CR1: variants seen among roughly 807,000 people sequenced by gnomAD.
CR1 encodes complement C3b/C4b receptor 1 (Knops blood group).
In CR1, 116 loss-of-function variants were observed where a neutral mutation model predicts 187.3. The observed-to-expected ratio is 0.62, with a 90% CI of 0.53 to 0.72. The LOEUF is 0.72. Ranked by LOEUF, CR1 falls within the 30% of genes least tolerant of loss-of-function variation. The pLI is 0.00. For missense variants in CR1, 1,731 were observed against 2,110.7 expected (o/e 0.82, Z 3.52); for synonymous variants, 576 against 747.1 (o/e 0.77, Z 3.73).
chr1:207,618,963 C>CA (rs1662227426), intron 42 of CR1, among the ~76,000 whole-genome samples: 2 of 142,906 alleles, frequency 1.4e-5, no homozygotes, highest in South Asian at 4.3e-4. Flanking sequence ...CACTTGAACC[C>CA]AGAGGCAGAG....
rs142767986 is a variant in CR1 at position 207,611,981 on chromosome 1, G to A, written c.6515G>A (p.Arg2172His). The change falls in exon 39 of 47, where the codon CGT (arginine) becomes CAT (histidine). Residue 2172 changes from arginine (R) to histidine (H), a missense_variant. Around this residue, in one of 5 missense-constraint regions of CR1, gnomAD observed 1,312 missense variants for 1,379.6 expected, o/e 0.95. Transcript: ENST00000367049. ...DDFLGQLPHG[R>H]VLLPLNLQLG... The stretch of plus-strand genomic sequence containing the variant: ...TTCCTGGGCCAACTCCCTCATGGCC[G>A]TGTGCTACTTCCACTTAATCTCCAG... 1.9e-5 allele frequency: 31 copies of A among 1,613,962 alleles called. No homozygotes were observed. The highest frequency in any genetic ancestry group is 9.3e-5 in the African/African-American group (7 of 75,024).
At chr1:207,634,314 C>T (rs767041009) in intron 46 of CR1, among the ~76,000 whole-genome samples, 4 of 152,102 alleles carry the variant, frequency 2.6e-5, no homozygotes, top group Non-Finnish European at 5.9e-5. Flanking sequence ...GGTATAAAGT[C>T]CTTAAAAATT....
At chr1:207,516,155 A>G (rs889336308) in intron 4 of CR1, among the ~76,000 whole-genome samples, 1 of 152,148 alleles carries the variant, frequency 6.6e-6, no homozygotes, top group Non-Finnish European at 1.5e-5. Flanking sequence ...ACAGAGGTTC[A>G]AGGCTTCAGT....
At chr1:207,499,162 T>C (rs1306849689) in intron 1 of CR1, among the ~76,000 whole-genome samples, 1 of 152,118 alleles carries the variant, frequency 6.6e-6, no homozygotes, top group African/African-American at 2.4e-5. Context: ...AGTAAATGGA[T>C]AAAGATATAC....
At position 207,568,037 on chromosome 1, in the gene CR1, T is replaced by C. The variant is rs377522648; in HGVS notation, c.4166T>C (p.Ile1389Thr). 13 of 1,610,636 alleles carry C rather than the reference T, an allele frequency of 8.1e-6. No individual in the cohort carries two copies. The highest frequency in any genetic ancestry group is 1.4e-5 in the African/African-American group (1 of 72,166). Reference sequence around the variant, plus strand: ...AGCAGCCCTGCCCCTCGCTGTGGAATTCTGGGTTAGTGCTCATTTCCCCAC... The same window carrying C: ...AGCAGCCCTGCCCCTCGCTGTGGAACTCTGGGTTAGTGCTCATTTCCCCAC... ...VWSSPAPRCG[I>T]LGHCQAPDHF... The change falls in exon 25 of 47, where the codon ATT (isoleucine) becomes ACT (threonine). Residue 1389 changes from isoleucine to threonine, a missense_variant. By Grantham distance (89) the Ile-to-Thr change is moderately conservative. Transcript: ENST00000367049.
intron 35 of CR1, among the ~76,000 whole-genome samples, chr1:207,593,638 A>G (rs924548074): frequency 2.0e-5 from 3 of 152,266 alleles, no homozygotes; most frequent in Non-Finnish European, 4.4e-5. Context: ...GAGCTTCTGC[A>G]CAGCAAGAGA....
chr1:207,593,116 T>G (rs1571570955), intron 35 of CR1, among the ~76,000 whole-genome samples: 1 of 144,694 alleles, frequency 6.9e-6, no homozygotes, highest in African/African-American at 2.6e-5. Context: ...ACTTTAAACT[T>G]CATATGGAAC....
chr1:207,589,278 C>T (rs1489704831), intron 35 of CR1, among the ~76,000 whole-genome samples: 1 of 152,114 alleles, frequency 6.6e-6, no homozygotes, highest in Non-Finnish European at 1.5e-5. Flanking sequence ...CAAGTAGCCA[C>T]ACCAAAAGCC....
At chr1:207,639,349 A>G (rs749920197) in intron 46 of CR1, 48 bp from the exon 47 acceptor site, 2 of 1,568,260 alleles carry the variant, frequency 1.3e-6, no homozygotes, top group South Asian at 1.2e-5. Context: ...TGGGTAGTTC[A>G]GTTGTCTACC....
intron 29 of CR1, among the ~76,000 whole-genome samples, chr1:207,578,992 T>A (rs529436364): frequency 6.6e-6 from 1 of 152,328 alleles, no homozygotes; most frequent in South Asian, 2.1e-4. Flanking sequence ...CTACATTTTA[T>A]CCCTAGGAGT....
chr1:207,523,880 A>G lies in CR1; in HGVS notation c.757A>G (p.Arg253Gly). ...VENGILVSDN[R>G]SLFSLNEVVE... ...AAATGGAATATTGGTATCTGACAAC[A>G]GAAGCTTATTTTCCTTAAATGAAGT... is the stretch of plus-strand genomic sequence containing the variant. The change falls in exon 5 of 47, where the codon AGA (arginine) becomes GGA (glycine). Residue 253 changes from arginine (R) to glycine (G), a missense_variant. Physicochemically the swap from Arg to Gly is moderately radical, Grantham distance 125 (BLOSUM62 -2). Transcript: ENST00000367049. 1 of 1,610,186 alleles carries G rather than the reference A, an allele frequency of 6.2e-7. No homozygotes were observed. Among genetic ancestry groups the G allele is most frequent in the Non-Finnish European group, 8.5e-7 (1 of 1,178,482 alleles).
In CR1 at chr1:207,616,574, GA is replaced by G; in HGVS notation, c.6664del (p.Ile2222SerfsTer40). 1.2e-6 allele frequency: 2 copies of G among 1,612,958 alleles called. No homozygotes were observed. The highest frequency in any genetic ancestry group is 1.3e-5 in the African/African-American group (1 of 74,946). On this transcript the variant is annotated frameshift_variant and splice_region_variant, in exon 41 of 47. Transcript: ENST00000367049. LOFTEE classifies it high-confidence loss of function. ...LWNSSVPVCEQIFCPNPPAIL... is the reference protein window; with the variant it reads ...LWNSSVPVCEXIFCPNPPAIL... The stretch of plus-strand genomic sequence containing the variant: ...ACTTAAAGCTCTTGTTTTCTTTCTA[GA>G]AATCTTTTGTCCAAATCCTCCAGCT...
Position 207,581,948 on chromosome 1 carries a change from T to C in CR1, c.5247T>C (p.His1749=), listed in dbSNP as rs1660969939. 2 of 1,613,266 alleles carry C rather than the reference T, an allele frequency of 1.2e-6. No homozygotes were observed. Among genetic ancestry groups the C allele is most frequent in the African/African-American group, 1.3e-5 (1 of 75,012 alleles). Reference sequence around the variant, plus strand: ...GCTTAAAGGGCAGTTCCGTTAGTCATTGTGTCTTGGTTGGAATGAGAAGCC... The same window carrying C: ...GCTTAAAGGGCAGTTCCGTTAGTCACTGTGTCTTGGTTGGAATGAGAAGCC... The part of the protein sequence containing the change: ...GFRLKGSSVS[H]CVLVGMRSLW... The change falls in exon 32 of 47, where the codon CAT becomes CAC. Residue 1749 remains histidine, a synonymous_variant. Coordinates refer to ENST00000367049, the MANE Select transcript of CR1 (RefSeq NM_000651.6).
At chr1:207,523,539 T>G in intron 4 of CR1, 72 bp from the exon 5 acceptor site, 1 of 1,593,302 alleles carries the variant, frequency 6.3e-7, no homozygotes, top group Non-Finnish European at 8.6e-7. Flanking sequence ...AGCTATAGTT[T>G]AGTGACTCAT....
Position 207,640,486 on chromosome 1 carries a change from A to G in CR1, c.*1077A>G, listed in dbSNP as rs544862792. 1 of 152,250 alleles carries G rather than the reference A, an allele frequency of 6.6e-6. No homozygotes were observed. The highest frequency in any genetic ancestry group is 1.5e-5 in the Non-Finnish European group (1 of 68,042). The allele number at this position is 152,250 out of a possible 1,614,324, so 9.4% of individuals were successfully genotyped here. ...TCAAAAGCACTTTGTGCTGTGTTCT[A>G]TATAAAAAACATAATAAAAATTGAA... On this transcript the variant is annotated 3_prime_UTR_variant, in exon 47 of 47. Coordinates refer to ENST00000367049, the MANE Select transcript of CR1 (RefSeq NM_000651.6).
At position 207,577,312 on chromosome 1, in the gene CR1, A is replaced by G. The variant is rs1185592876; in HGVS notation, c.4538-493A>G. Among the ~76,000 whole-genome samples, 3 of 152,282 alleles carry G rather than the reference A, an allele frequency of 2.0e-5. No homozygotes were observed. In the East Asian group the frequency reaches 5.8e-4, roughly 29 times the overall value. On this transcript the variant is annotated intron_variant, in intron 28 of 46. Coordinates refer to ENST00000367049, the MANE Select transcript of CR1 (RefSeq NM_000651.6). ...TAATAATACATGGATACATTTAGTG[A>G]AATAAGGTTAACTGAGTAGAGCAGC...
intron 1 of CR1, among the ~76,000 whole-genome samples, chr1:207,500,284 C>T (rs561339888): frequency 2.3e-4 from 35 of 152,012 alleles, no homozygotes; most frequent in African/African-American, 8.2e-4. Flanking sequence ...AATTTATGTT[C>T]GTGTACATAT....
chr1:207,499,316 T>A (rs1453614480), intron 1 of CR1, among the ~76,000 whole-genome samples: 1 of 152,170 alleles, frequency 6.6e-6, no homozygotes, highest in Non-Finnish European at 1.5e-5. Context: ...CGTAACAATA[T>A]CCCATATGTA....
intron 37 of CR1, among the ~76,000 whole-genome samples, chr1:207,611,232 G>A (rs1379617133): frequency 2.0e-5 from 3 of 152,148 alleles, no homozygotes; most frequent in Non-Finnish European, 4.4e-5. Flanking sequence ...CTGAAAGAGG[G>A]TCAGGGAGTG....
Sources: allele counts gnomAD v4.1 joint callset (sites outside exome capture counted in the v4.1 genomes callset), GRCh38; gene constraint gnomAD v4.1.1; regional missense constraint gnomAD v4.1.1; transcripts MANE v1.5; gene names NCBI Gene and HGNC (gene_info 2026-07-23, HGNC 2026-07-21).